NDST4: variants seen among roughly 807,000 people sequenced by gnomAD.
The protein encoded by NDST4 is N-heparan sulfate sulfotransferase 4.
In NDST4, 63 loss-of-function variants were observed where a neutral mutation model predicts 100.8. The ratio of observed to expected loss-of-function variants is 0.62; its 90% CI spans 0.51 to 0.77. The LOEUF (loss-of-function observed/expected upper bound fraction) is 0.77. Among genes scored for constraint, NDST4 ranks in the 30% least tolerant of loss-of-function variants. The pLI is 0.00. For missense variants in NDST4, 943 were observed against 1,018.4 expected, an observed-to-expected ratio of 0.93 and a Z score of 1.01; for synonymous variants, 377 against 361.8, an observed-to-expected ratio of 1.04 and a Z score of -0.48.
At chr4:114,985,672 G>A (rs1228171986) in intron 2 of NDST4, among the ~76,000 whole-genome samples, 3 of 152,066 alleles carry the variant, frequency 2.0e-5, no homozygotes, top group Non-Finnish European at 4.4e-5. Context: ...ACACACAGAG[G>A]ATACACATAA....
chr4:114,844,516 C>T (rs572757316), intron 10 of NDST4, among the ~76,000 whole-genome samples: 12 of 152,280 alleles, frequency 7.9e-5, no homozygotes, highest in Non-Finnish European at 1.5e-4. Flanking sequence ...TCTACTCCAC[C>T]TTTCTTCTAT....
rs192874529 is a variant in NDST4, at chr4:114,854,755, C to T, written c.1720-1934G>A. On this transcript the variant is annotated intron_variant, in intron 7 of 13. Coordinates refer to ENST00000264363, the MANE Select transcript of NDST4 (RefSeq NM_022569.3). The stretch of plus-strand genomic sequence containing the variant: ...AGTGCTGGGATTACAGGCATGAGCC[C>T]GACCAATTTCCTTTCTTTTTTAGAA... Among the ~76,000 whole-genome samples the T allele has an allele frequency of 2.1e-3, 323 of 152,066 alleles. 1 individual carries two copies. Among genetic ancestry groups the T allele is most frequent in the African/African-American group, 7.3e-3 (301 of 41,500 alleles).
chr4:115,030,518 T>C (rs1011839708), intron 2 of NDST4, among the ~76,000 whole-genome samples: 1 of 152,086 alleles, frequency 6.6e-6, no homozygotes, highest in African/African-American at 2.4e-5. Flanking sequence ...CATCCTGAAT[T>C]ATCTAACAGA....
intron 6 of NDST4, among the ~76,000 whole-genome samples, chr4:114,907,693 G>A (rs1032976714): frequency 6.6e-6 from 1 of 152,006 alleles, no homozygotes; most frequent in Admixed American, 6.6e-5. Flanking sequence ...TAACATGGAA[G>A]CTTAGGGGAG....
At chr4:115,063,839 C>T (rs1295049033) in intron 2 of NDST4, among the ~76,000 whole-genome samples, 1 of 147,440 alleles carries the variant, frequency 6.8e-6, no homozygotes, top group Non-Finnish European at 1.5e-5. Flanking sequence ...CTTCTTAATA[C>T]TTTTTTTTTT....
intron 2 of NDST4, among the ~76,000 whole-genome samples, chr4:115,048,799 G>A (rs1366463234): frequency 2.0e-5 from 3 of 151,888 alleles, no homozygotes; most frequent in East Asian, 1.9e-4. Context: ...CACTGCACCC[G>A]GCTAATTTTT....
At position 114,929,116 on chromosome 4, in the gene NDST4, CTAT is replaced by C. The variant is rs1560817142; in HGVS notation, c.1536+6087_1536+6089del. On this transcript the variant is annotated intron_variant, in intron 6 of 13. Transcript: ENST00000264363. ...TCCATCCATCCATCCATCCATCCATCTATCTATCTATCTATCTATCTATCTATC... is the reference window on the plus strand; with the variant it reads ...TCCATCCATCCATCCATCCATCCATCCTATCTATCTATCTATCTATCTATC... Among the ~76,000 whole-genome samples, 574 of 118,186 alleles carry C rather than the reference CTAT, an allele frequency of 4.9e-3. 5 individuals are homozygous for C. The highest frequency in any genetic ancestry group is 0.035 in the South Asian group (128 of 3,704). 77.5% of individuals were successfully genotyped at this position (118,186 alleles called of 152,430 possible).
In NDST4 at chr4:114,933,538, A is replaced by G. The variant is rs141586621; in HGVS notation, c.1536+1668T>C. 5.6e-3 allele frequency among the ~76,000 whole-genome samples: 850 copies of G among 150,844 alleles called. 9 individuals are homozygous for G. The highest frequency in any genetic ancestry group is 0.02 in the African/African-American group (811 of 41,130). ...TAAGTCAAAAAGCTTTTGCACAGCA[A>G]CGGACATAAATAACAGAGTGAAAAA... On this transcript the variant is annotated intron_variant, in intron 6 of 13. Transcript: ENST00000264363.
chr4:114,942,954 C>A (rs2126228668), intron 4 of NDST4, among the ~76,000 whole-genome samples: 1 of 148,936 alleles, frequency 6.7e-6, no homozygotes, highest in African/African-American at 2.4e-5. Flanking sequence ...TTGTTTATAT[C>A]AGTTTGTTTT....
At chr4:115,064,229 G>A (rs1728884051) in intron 2 of NDST4, among the ~76,000 whole-genome samples, 1 of 151,874 alleles carries the variant, frequency 6.6e-6, no homozygotes, top group African/African-American at 2.4e-5. Context: ...ATGAATGAAA[G>A]CATGCCTATA....
At chr4:115,036,996 T>C (rs1278903418) in intron 2 of NDST4, among the ~76,000 whole-genome samples, 1 of 151,990 alleles carries the variant, frequency 6.6e-6, no homozygotes, top group Non-Finnish European at 1.5e-5. Context: ...ATTATTTTGC[T>C]TGATAAATTA....
At chr4:115,006,903 G>C (rs567066894) in intron 2 of NDST4, among the ~76,000 whole-genome samples, 7 of 152,066 alleles carry the variant, frequency 4.6e-5, no homozygotes, top group African/African-American at 1.7e-4. Context: ...GAAACAGCCA[G>C]AAAAATTGCG....
chr4:114,993,350 G>A (rs903546367), intron 2 of NDST4, among the ~76,000 whole-genome samples: 1 of 151,736 alleles, frequency 6.6e-6, no homozygotes, highest in African/African-American at 2.4e-5. Context: ...AATTGGAGTA[G>A]GCAAAAAACT....
intron 2 of NDST4, among the ~76,000 whole-genome samples, chr4:115,004,819 A>G (rs1727378473): frequency 6.6e-6 from 1 of 152,180 alleles, no homozygotes; most frequent in Non-Finnish European, 1.5e-5. Context: ...CTAAATTTTT[A>G]ATAGGAGAAA....
Position 115,063,172 on chromosome 4 carries a change from T to C in NDST4, c.978+12887A>G, listed in dbSNP as rs1728860011. ...ATCTTTTAAGTTATAGAAATTGTTA[T>C]ACAAACTCTTTAGAATGTAGGAAAT... On this transcript the variant is annotated intron_variant, in intron 2 of 13. Coordinates refer to ENST00000264363, the MANE Select transcript of NDST4 (RefSeq NM_022569.3). Among the ~76,000 whole-genome samples, 2 of 151,980 alleles carry C rather than the reference T, an allele frequency of 1.3e-5. 1 individual carries two copies. Among genetic ancestry groups the C allele is most frequent in the South Asian group, 4.1e-4 (2 of 4,832 alleles).
At chr4:115,036,237 TTGTC>T (rs1728230475) in intron 2 of NDST4, among the ~76,000 whole-genome samples, 2 of 151,608 alleles carry the variant, frequency 1.3e-5, no homozygotes, top group African/African-American at 4.8e-5. Flanking sequence ...TAATACAGTA[TTGTC>T]TGTAACAGGT....
At chr4:114,972,711 C>G (rs1336347970) in intron 3 of NDST4, among the ~76,000 whole-genome samples, 1 of 151,936 alleles carries the variant, frequency 6.6e-6, no homozygotes. Flanking sequence ...CTGGAATTGT[C>G]TTGTGTGCTT....
At chr4:115,051,719 C>T (rs1728588102) in intron 2 of NDST4, among the ~76,000 whole-genome samples, 1 of 152,028 alleles carries the variant, frequency 6.6e-6, no homozygotes. Flanking sequence ...ATGCAGTGAA[C>T]ATGGGAGTGT....
intron 4 of NDST4, among the ~76,000 whole-genome samples, chr4:114,939,467 C>G (rs933533328): frequency 2.6e-5 from 4 of 152,110 alleles, no homozygotes; most frequent in African/African-American, 9.7e-5. Flanking sequence ...ATAGTCTTAA[C>G]TAATCACTTT....
Sources: gnomAD v4.1 joint callset for allele counts (sites outside exome capture counted in the v4.1 genomes callset) on GRCh38, gnomAD v4.1.1 for gene constraint, MANE v1.5 for transcripts, NCBI Gene and HGNC (gene_info 2026-07-23, HGNC 2026-07-21) for gene names.